Variants in NPC1L1 observed in about 807,000 individuals in gnomAD.
NPC1L1 encodes the protein NPC1 like intracellular cholesterol transporter 1, also known as NPC1-like intracellular cholesterol transporter 1.
In NPC1L1, 98 loss-of-function variants were observed where a neutral mutation model predicts 117.0. The observed-to-expected ratio is 0.84, with a 90% CI of 0.71 to 0.99. The LOEUF is 0.99. Among genes scored for constraint, NPC1L1 ranks in the 50% least tolerant of loss-of-function variants. The pLI, the probability that NPC1L1 is intolerant of heterozygous loss-of-function variation, is 0.00. For missense variants in NPC1L1, 1,540 were observed against 1,710.0 expected (o/e 0.90, Z 1.75); for synonymous variants, 729 against 727.6 (o/e 1.00, Z -0.03).
rs1801098750 is a variant in NPC1L1, at chr7:44,513,463, T to C, written c.3983A>G (p.Asn1328Ser). The change falls in exon 19 of 19, where the codon AAT becomes AGT. Residue 1328 changes from asparagine to serine, a missense_variant. Transcript: ENST00000381160. ...AGAISNFLPN[N>S]GRQF Reference sequence around the variant, plus strand: ...CTGGCTGTATCAGAACTGCCGCCCATTGTTGGGCAAGAAGTTGCTGATGGC... The same window carrying C: ...CTGGCTGTATCAGAACTGCCGCCCACTGTTGGGCAAGAAGTTGCTGATGGC... 1 of 1,613,812 alleles carries C rather than the reference T, an allele frequency of 6.2e-7. No homozygotes were observed. The highest frequency in any genetic ancestry group is 1.3e-5 in the African/African-American group (1 of 75,006).
At chr7:44,517,661 A>T (rs1040708710) in intron 14 of NPC1L1, among the ~76,000 whole-genome samples, 8 of 152,218 alleles carry the variant, frequency 5.3e-5, no homozygotes, top group African/African-American at 1.2e-4. Context: ...GTTTCAAGAT[A>T]TGCATTGGAT....
At position 44,538,947 on chromosome 7, in the gene NPC1L1, C is replaced by T. The variant is rs1020364078; in HGVS notation, c.1450G>A (p.Asp484Asn). ...TGCAGGAGGCTGTTGATGCAGCAGT[C>T]GTAGAGACTGGTATTGTCCGGATTG... ...PLNPDNTSLY[D>N]CCINSLLQYF... The change falls in exon 2 of 19, where the codon GAC (aspartate) becomes AAC (asparagine). Residue 484 changes from aspartate (D) to asparagine (N), a missense_variant. Physicochemically the swap from Asp to Asn is conservative, Grantham distance 23 (BLOSUM62 1). Coordinates refer to ENST00000381160, the MANE Select transcript of NPC1L1 (RefSeq NM_001101648.2). This position sits in a 1 kb window ranked among gnomAD's most constrained non-coding sequence, Gnocchi z 5.9. The T allele has an allele frequency of 6.2e-6, 10 of 1,614,136 alleles. No homozygotes were observed. The highest frequency in any genetic ancestry group is 1.7e-5 in the Admixed American group (1 of 60,016).
chr7:44,517,088 G>T, intron 15 of NPC1L1, 119 bp downstream of exon 15: 1 of 1,479,752 alleles, frequency 6.8e-7, no homozygotes, highest in Non-Finnish European at 9.4e-7. Context: ...TGCAGCCAGA[G>T]CCTCCTGACC....
In NPC1L1 at chr7:44,534,488, C is replaced by T. The variant is rs369793053; in HGVS notation, c.2125G>A (p.Val709Met). ...AAGATGAAGATGTTATCAGCCCCCA[C>T]GGACAGCACCAGGAAAGGAACCACT... ...LQVVPFLVLS[V>M]GADNIFIFVL... The change falls in exon 6 of 19, where the codon GTG becomes ATG. Residue 709 changes from valine to methionine, a missense_variant. Physicochemically the swap from Val to Met is conservative, Grantham distance 21 (BLOSUM62 1). Around this residue, in one of 3 missense-constraint regions of NPC1L1, gnomAD observed 742 missense variants for 873.6 expected, o/e 0.85. Transcript: ENST00000381160. The surrounding 1 kb of genome is among the most constrained non-coding windows in gnomAD (Gnocchi z 5.2). 169 of 1,613,994 alleles carry T rather than the reference C, an allele frequency of 1.0e-4. No homozygotes were observed. The highest frequency in any genetic ancestry group is 1.4e-4 in the Non-Finnish European group (161 of 1,180,020).
rs1801906967 is a variant in NPC1L1 at position 44,536,739 on chromosome 7, C to G, written c.1681+103G>C. The G allele has an allele frequency of 9.5e-7, 1 of 1,057,540 alleles. No individual in the cohort carries two copies. The highest frequency in any genetic ancestry group is 1.4e-6 in the Non-Finnish European group (1 of 690,730). The allele number at this position is 1,057,540 out of a possible 1,614,324, so 65.5% of individuals were successfully genotyped here. A position where few individuals can be genotyped will look rare whatever the true frequency, so the allele number is the denominator to read the frequency against. On this transcript the variant is annotated intron_variant, in intron 3 of 18. Coordinates refer to ENST00000381160, the MANE Select transcript of NPC1L1 (RefSeq NM_001101648.2). This position sits in a 1 kb window ranked among gnomAD's most constrained non-coding sequence, Gnocchi z 4.7. ...ACAGCTTCCAGAAGCCAGGCTACCC[C>G]CAGGCCGCGAGAATCCCCAGCACCA... is the stretch of plus-strand genomic sequence containing the variant.
intron 16 of NPC1L1, 40 bp downstream of exon 16, chr7:44,516,661 ACC>A: frequency 6.7e-7 from 1 of 1,494,144 alleles, no homozygotes; most frequent in Non-Finnish European, 9.2e-7. Flanking sequence ...ATCCCCAACC[ACC>A]CCTCCAGAGG....
At chr7:44,519,531 C>A (rs560219899) in intron 14 of NPC1L1, among the ~76,000 whole-genome samples, 4 of 152,216 alleles carry the variant, frequency 2.6e-5, no homozygotes, top group South Asian at 4.2e-4. Context: ...GTGGGGTGAG[C>A]GAACTTGAGG....
chr7:44,521,612 C>G, intron 12 of NPC1L1, 100 bp downstream of exon 12: 2 of 1,565,758 alleles, frequency 1.3e-6, no homozygotes, highest in Non-Finnish European at 1.8e-6. Flanking sequence ...CTGCAGGATG[C>G]GTGGGAGAGG....
Position 44,540,049 on chromosome 7 carries a change from G to A in NPC1L1, c.348C>T (p.Cys116=). 3 of 1,614,230 alleles carry A rather than the reference G, an allele frequency of 1.9e-6. No homozygotes were observed. Among genetic ancestry groups the A allele is most frequent in the Non-Finnish European group, 2.5e-6 (3 of 1,180,044 alleles). The change falls in exon 2 of 19, where the codon TGC becomes TGT. Residue 116 remains cysteine (C), a synonymous_variant. Transcript: ENST00000381160. ...TKALLTRCPA[C]SDNFVNLHCH... is the part of the protein sequence containing the mutation. ...AGTGCAGGTTCACAAAATTGTCAGAGCAGGCTGGGCAGCGGGTGAGGAGGG... is the reference window on the plus strand; with the variant it reads ...AGTGCAGGTTCACAAAATTGTCAGAACAGGCTGGGCAGCGGGTGAGGAGGG...
chr7:44,525,735 A>G (rs1034183670), intron 10 of NPC1L1, among the ~76,000 whole-genome samples: 1 of 152,188 alleles, frequency 6.6e-6, no homozygotes, highest in Non-Finnish European at 1.5e-5. Context: ...AGTAAAATAA[A>G]ATAAGTTTTT....
intron 10 of NPC1L1, 48 bp from the exon 11 acceptor site, chr7:44,522,290 C>CT (rs1563203675): frequency 1.3e-6 from 2 of 1,551,864 alleles, no homozygotes; most frequent in South Asian, 2.3e-5. Context: ...ATGCACACCC[C>CT]TAAAGGGCTC....
At chr7:44,518,526 G>A (rs997651826) in intron 14 of NPC1L1, 12 of 265,986 alleles carry the variant, frequency 4.5e-5, no homozygotes, top group Non-Finnish European at 3.1e-5. Context: ...AAAATTAGCT[G>A]AGCATAGTGG....
rs1484127570 is a variant in NPC1L1, at chr7:44,540,009, T to G, written c.388A>C (p.Ser130Arg). The G allele has an allele frequency of 1.2e-6, 2 of 1,614,232 alleles. No individual in the cohort carries two copies. The highest frequency in any genetic ancestry group is 1.7e-5 in the Admixed American group (1 of 60,032). ...FVNLHCHNTCSPNQSLFINVT... is the reference protein window; with the variant it reads ...FVNLHCHNTCRPNQSLFINVT... ...TTGATGAAGAGGCTCTGATTGGGGC[T>G]GCACGTGTTGTGGCAGTGCAGGTTC... is the stretch of plus-strand genomic sequence containing the variant. The change falls in exon 2 of 19, where the codon AGC (serine) becomes CGC (arginine). Residue 130 changes from serine to arginine, a missense_variant. Coordinates refer to ENST00000381160, the MANE Select transcript of NPC1L1 (RefSeq NM_001101648.2).
In NPC1L1 at chr7:44,516,871, G is replaced by T; in HGVS notation, c.3351C>A (p.Ser1117Arg). The change falls in exon 16 of 19, where the codon AGC becomes AGA. Residue 1117 changes from serine to arginine, a missense_variant. Coordinates refer to ENST00000381160, the MANE Select transcript of NPC1L1 (RefSeq NM_001101648.2). ...TILPEGLFML[S>R]LCLVPTFAVS... ...CAGCGAAGGTGGGCACAAGGCAGAG[G>T]CTGAGCATGAAGAGCCCCTCAGGGA... 1 of 1,614,172 alleles carries T rather than the reference G, an allele frequency of 6.2e-7. No homozygotes were observed. The highest frequency in any genetic ancestry group is 8.5e-7 in the Non-Finnish European group (1 of 1,180,044).
intron 10 of NPC1L1, 97 bp downstream of exon 10, chr7:44,531,658 G>T: frequency 2.8e-6 from 3 of 1,064,170 alleles, no homozygotes; most frequent in Non-Finnish European, 4.2e-6. Context: ...CTCTGGCCAA[G>T]CCCCTGGCCG....
In NPC1L1 at chr7:44,532,143, C is replaced by T. The variant is rs764363101; in HGVS notation, c.2484G>A (p.Leu828=). 1 of 1,613,994 alleles carries T rather than the reference C, an allele frequency of 6.2e-7. No individual in the cohort carries two copies. The highest frequency in any genetic ancestry group is 8.5e-7 in the Non-Finnish European group (1 of 1,180,036). ...CATAAGCCTTTTGGAAGAAGCCAAGCAGGAGCCCCTCTCCCTGGCCAGGCG... is the reference window on the plus strand; with the variant it reads ...CATAAGCCTTTTGGAAGAAGCCAAGTAGGAGCCCCTCTCCCTGGCCAGGCG... ...LPPPGQGEGL[L]LGFFQKAYAP... is the part of the protein sequence containing the mutation. Residue 828 remains leucine (L), a synonymous_variant, in exon 9 of 19, where the codon CTG becomes CTA. Coordinates refer to ENST00000381160, the MANE Select transcript of NPC1L1 (RefSeq NM_001101648.2).
rs754387614 is a variant in NPC1L1 at position 44,522,249 on chromosome 7, G to A, written c.2638-7C>T. The A allele has an allele frequency of 3.1e-6, 5 of 1,611,016 alleles. No individual in the cohort carries two copies. Among genetic ancestry groups the A allele is most frequent in the South Asian group, 1.1e-5 (1 of 90,662 alleles). The stretch of plus-strand genomic sequence containing the variant: ...AGTCAAGCAGGTACGAGTCCTAGGA[G>A]TGGAGGAGGGTCAGTGAGCTTTGGT... On this transcript the variant is annotated splice_region_variant and splice_polypyrimidine_tract_variant and intron_variant, in intron 10 of 18. Coordinates refer to ENST00000381160, the MANE Select transcript of NPC1L1 (RefSeq NM_001101648.2).
In NPC1L1 at chr7:44,516,830, A is replaced by G. The variant is rs902225009; in HGVS notation, c.3392T>C (p.Leu1131Pro). ...GAGGCCGGAGCGCAGGTCCAGGCCC[A>G]GCAGGAGGCAGGAGACAGCGAAGGT... ...VPTFAVSCLL[L>P]GLDLRSGLLN... Residue 1131 changes from leucine (L) to proline (P), a missense_variant, in exon 16 of 19, where the codon CTG (leucine) becomes CCG (proline). Transcript: ENST00000381160. 6.2e-7 allele frequency: 1 copy of G among 1,614,206 alleles called. No homozygotes were observed. The highest frequency in any genetic ancestry group is 1.7e-4 in the Middle Eastern group (1 of 6,056).
In NPC1L1 at chr7:44,536,379, G is replaced by T; in HGVS notation, c.1731C>A (p.Asn577Lys). The T allele has an allele frequency of 6.2e-7, 1 of 1,614,122 alleles. No individual in the cohort carries two copies. The change falls in exon 4 of 19, where the codon AAC becomes AAA. Residue 577 changes from asparagine to lysine, a missense_variant. Coordinates refer to ENST00000381160, the MANE Select transcript of NPC1L1 (RefSeq NM_001101648.2). This position sits in a 1 kb window ranked among gnomAD's most constrained non-coding sequence, Gnocchi z 4.7. ...GACGGGGGTCCCCGGCAGGGTAATT[G>T]TTGAGGGAGAACGTCATGATCAGGG... ...AEALIMTFSL[N>K]NYPAGDPRLA... is the part of the protein sequence containing the mutation.
Sources: gnomAD v4.1 joint callset for allele counts (sites outside exome capture counted in the v4.1 genomes callset) on GRCh38, gnomAD v4.1.1 for gene constraint, gnomAD v4.1.1 regional missense constraint, Gnocchi (gnomAD v3.1) non-coding constraint, MANE v1.5 for transcripts, NCBI Gene and HGNC (gene_info 2026-07-23, HGNC 2026-07-21) for gene names.